AFDN: variants seen among roughly 807,000 people sequenced by gnomAD.
AFDN encodes afadin.
A neutral mutation model predicts 216.6 loss-of-function variants in AFDN; 68 were observed. The ratio of observed to expected loss-of-function variants is 0.31; its 90% confidence interval spans 0.26 to 0.38. The LOEUF (loss-of-function observed/expected upper bound fraction) is 0.38, where lower values mean the gene tolerates loss of function less well. Among genes scored for constraint, AFDN ranks in the 10% least tolerant of loss-of-function variants. The pLI is 1.00. For missense variants in AFDN, 2,136 were observed against 2,342.0 expected (o/e 0.91, Z 1.82); for synonymous variants, 868 against 853.7 (o/e 1.02, Z -0.29).
chr6:167,923,663 C>A (rs947010154), intron 22 of AFDN, among the ~76,000 whole-genome samples: 3 of 134,842 alleles, frequency 2.2e-5, no homozygotes, highest in African/African-American at 8.3e-5. Flanking sequence ...CTCGCTCAGT[C>A]GCCCAGGCTG....
At chr6:167,858,307 A>G (rs1315714424) in intron 1 of AFDN, among the ~76,000 whole-genome samples, 1 of 152,228 alleles carries the variant, frequency 6.6e-6, no homozygotes, top group Non-Finnish European at 1.5e-5. Flanking sequence ...GGCAATTTAA[A>G]AAGTATGTTG....
chr6:167,888,411 TG>T (rs1787136501), intron 6 of AFDN, among the ~76,000 whole-genome samples: 1 of 152,190 alleles, frequency 6.6e-6, no homozygotes, highest in Non-Finnish European at 1.5e-5. Context: ...GCCAGTGACT[TG>T]GCCTTCTTTT....
intron 1 of AFDN, among the ~76,000 whole-genome samples, chr6:167,836,022 C>T (rs756114292): frequency 1.5e-4 from 23 of 152,184 alleles, no homozygotes; most frequent in Non-Finnish European, 2.6e-4. Flanking sequence ...TTATTTTACG[C>T]ATTATATATT....
chr6:167,847,327 AC>A (rs1332870534), intron 1 of AFDN, among the ~76,000 whole-genome samples: 6 of 152,156 alleles, frequency 3.9e-5, no homozygotes, highest in Non-Finnish European at 8.8e-5. Flanking sequence ...TTCCAAATTT[AC>A]ATCTCTAAGT....
At chr6:167,828,363 T>C (rs1779440803) in intron 1 of AFDN, among the ~76,000 whole-genome samples, 1 of 152,254 alleles carries the variant, frequency 6.6e-6, no homozygotes, top group African/African-American at 2.4e-5. Flanking sequence ...CTCTGATTTC[T>C]TGAGTTTTTG....
chr6:167,914,822 G>A, intron 18 of AFDN, 84 bp downstream of exon 18: 2 of 942,286 alleles, frequency 2.1e-6, no homozygotes, highest in South Asian at 3.1e-5. Flanking sequence ...GGTAAGTGGA[G>A]GTGTTTTTAA....
intron 1 of AFDN, among the ~76,000 whole-genome samples, chr6:167,835,554 T>G (rs1056389319): frequency 6.6e-6 from 1 of 152,226 alleles, no homozygotes; most frequent in Non-Finnish European, 1.5e-5. Flanking sequence ...AGGAAATCAG[T>G]CATTTTTTTC....
chr6:167,945,675 C>T (rs950131565), intron 26 of AFDN, among the ~76,000 whole-genome samples: 19 of 152,098 alleles, frequency 1.2e-4, no homozygotes, highest in Non-Finnish European at 2.2e-4. Context: ...ACCACTGTCA[C>T]GGATGTGGTT....
chr6:167,922,596 G>GA (rs1791973342), intron 21 of AFDN, among the ~76,000 whole-genome samples: 1 of 152,106 alleles, frequency 6.6e-6, no homozygotes, highest in South Asian at 2.1e-4. Flanking sequence ...TTTCTTATAG[G>GA]AGTAAGAAAA....
At chr6:167,957,848 G>T (rs1249645253) in intron 30 of AFDN, among the ~76,000 whole-genome samples, 2 of 152,138 alleles carry the variant, frequency 1.3e-5, no homozygotes, top group Non-Finnish European at 2.9e-5. Context: ...ATTGCTCCAG[G>T]TTGCCACATA....
chr6:167,827,164 G>T lies in AFDN; in HGVS notation c.32G>T (p.Arg11Leu). MSAGGRDEER[R>L]KLADIIHHWN... Reference sequence around the variant, plus strand: ...GCGGGCGGCCGTGACGAGGAGCGGCGGAAGCTGGCCGACATCATCCACCAC... The same window carrying T: ...GCGGGCGGCCGTGACGAGGAGCGGCTGAAGCTGGCCGACATCATCCACCAC... The change falls in exon 1 of 34, where the codon CGG (arginine) becomes CTG (leucine). Residue 11 changes from arginine to leucine, a missense_variant. Physicochemically the swap from Arg to Leu is moderately radical, Grantham distance 102. This residue lies in a region of AFDN where 81 missense variants were observed against 51.2 expected (regional missense o/e 1.58). Transcript: ENST00000683244. 7.7e-7 allele frequency: 1 copy of T among 1,302,364 alleles called. No individual in the cohort carries two copies. The highest frequency in any genetic ancestry group is 1.0e-6 in the Non-Finnish European group (1 of 996,702). 80.7% of individuals were successfully genotyped at this position (1,302,364 alleles called of 1,614,324 possible).
intron 1 of AFDN, chr6:167,864,268 C>T (rs1314312944): frequency 6.3e-6 from 4 of 630,212 alleles, no homozygotes; most frequent in Non-Finnish European, 1.2e-5. Context: ...GTGTGCCTAC[C>T]ACTTGCCAAG....
intron 28 of AFDN, 37 bp from the exon 29 acceptor site, chr6:167,948,256 T>A (rs1795561214): frequency 2.6e-6 from 4 of 1,564,774 alleles, no homozygotes; most frequent in Non-Finnish European, 3.5e-6. Flanking sequence ...TGTATGGTTG[T>A]AAAAAGCTCA....
At chr6:167,958,825 T>G (rs1005230974) in intron 30 of AFDN, among the ~76,000 whole-genome samples, 2 of 152,254 alleles carry the variant, frequency 1.3e-5, no homozygotes, top group African/African-American at 4.8e-5. Context: ...GTAGGAAGCC[T>G]AATTTCAGAA....
At chr6:167,864,008 A>G (rs1420780035) in intron 1 of AFDN, among the ~76,000 whole-genome samples, 1 of 152,224 alleles carries the variant, frequency 6.6e-6, no homozygotes, top group Non-Finnish European at 1.5e-5. Context: ...GGTTGGGACC[A>G]ACATTTCCCT....
intron 5 of AFDN, among the ~76,000 whole-genome samples, chr6:167,875,719 TA>T (rs372727488): frequency 1.4e-3 from 200 of 142,248 alleles, no homozygotes; most frequent in Middle Eastern, 3.7e-3. Context: ...ATACAGCTCT[TA>T]AAAAAAAAAA....
chr6:167,829,405 G>T (rs1049069057), intron 1 of AFDN, among the ~76,000 whole-genome samples: 1 of 151,852 alleles, frequency 6.6e-6, no homozygotes, highest in Non-Finnish European at 1.5e-5. Context: ...GTATTTCAAG[G>T]CCAACAGTTT....
chr6:167,827,112 TGAGGAGGCGCGGCC>T lies in AFDN; in HGVS notation c.-20_-7del. On this transcript the variant is annotated 5_prime_UTR_variant, in exon 1 of 34. Transcript: ENST00000683244. Reference sequence around the variant, plus strand: ...TCCTCCGGCCCCGGCCCCGCGCGGCTGAGGAGGCGCGGCCAGGACCATGTCGGCGGGCGGCCGTG... The same window carrying T: ...TCCTCCGGCCCCGGCCCCGCGCGGCTAGGACCATGTCGGCGGGCGGCCGTG... The T allele has an allele frequency of 1.6e-6, 2 of 1,224,796 alleles. No homozygotes were observed. The highest frequency in any genetic ancestry group is 2.9e-5 in the Admixed American group (1 of 34,346). 75.9% of individuals were successfully genotyped at this position (1,224,796 alleles called of 1,614,324 possible).
At chr6:167,952,448 C>T (rs1796102572) in intron 30 of AFDN, 4 of 985,162 alleles carry the variant, frequency 4.1e-6, no homozygotes, top group Admixed American at 1.2e-4. Flanking sequence ...TTAGCAAACT[C>T]ATAATTATCC....
Sources: allele counts gnomAD v4.1 joint callset (sites outside exome capture counted in the v4.1 genomes callset), GRCh38; gene constraint gnomAD v4.1.1; regional missense constraint gnomAD v4.1.1; transcripts MANE v1.5; gene names NCBI Gene and HGNC (gene_info 2026-07-23, HGNC 2026-07-21).